CDKAL1: variants seen among roughly 807,000 people sequenced by gnomAD.
The protein encoded by CDKAL1 is CDKAL1 threonylcarbamoyladenosine tRNA methylthiotransferase.
CDKAL1 carries 32 observed loss-of-function variants against 68.2 expected under a neutral mutation model. The ratio of observed to expected loss-of-function variants is 0.47; its 90% CI spans 0.35 to 0.63. The LOEUF is 0.63. Ranked by LOEUF, CDKAL1 falls within the 30% of genes least tolerant of loss-of-function variation. CDKAL1 has a pLI of 0.00. For missense variants in CDKAL1, 606 were observed against 696.7 expected (o/e 0.87, Z 1.47); for synonymous variants, 234 against 244.3 (o/e 0.96, Z 0.39).
intron 4 of CDKAL1, among the ~76,000 whole-genome samples, chr6:20,609,241 T>TTCC (rs1766470218): frequency 7.4e-6 from 1 of 134,402 alleles, no homozygotes; most frequent in Middle Eastern, 3.4e-3. Context: ...TCCTTCTTCC[T>TTCC]TCCTTCTTCT....
chr6:20,656,832 C>A (rs564752791), intron 5 of CDKAL1, among the ~76,000 whole-genome samples: 1 of 152,176 alleles, frequency 6.6e-6, no homozygotes, highest in African/African-American at 2.4e-5. Context: ...GCACAGGTTC[C>A]TTTAATGTAC....
At chr6:21,144,460 C>T (rs894126214) in intron 13 of CDKAL1, among the ~76,000 whole-genome samples, 2 of 152,186 alleles carry the variant, frequency 1.3e-5, no homozygotes, top group Non-Finnish European at 2.9e-5. Context: ...ATTCCTGTGA[C>T]ATTTTATACT....
intron 7 of CDKAL1, among the ~76,000 whole-genome samples, chr6:20,763,496 T>C (rs1168832767): frequency 6.6e-6 from 1 of 152,188 alleles, no homozygotes; most frequent in Admixed American, 6.5e-5. Flanking sequence ...AGAAGTTAGC[T>C]GTGGAGAAGC....
chr6:21,013,874 A>G (rs1217963501), intron 11 of CDKAL1, among the ~76,000 whole-genome samples: 2 of 152,184 alleles, frequency 1.3e-5, no homozygotes, highest in Admixed American at 1.3e-4. Flanking sequence ...AGATAGATAG[A>G]TATCACTTTC....
intron 7 of CDKAL1, among the ~76,000 whole-genome samples, chr6:20,778,542 A>G (rs1317055239): frequency 6.6e-6 from 1 of 152,200 alleles, no homozygotes; most frequent in African/African-American, 2.4e-5. Context: ...AGGAATTGGC[A>G]CATGCAACCA....
At chr6:21,004,870 G>A (rs1283932166) in intron 11 of CDKAL1, among the ~76,000 whole-genome samples, 4 of 152,330 alleles carry the variant, frequency 2.6e-5, no homozygotes, top group African/African-American at 7.2e-5. Context: ...GCTGAGGCAG[G>A]AGGATCACTG....
At chr6:20,752,146 C>T (rs1773950979) in intron 6 of CDKAL1, among the ~76,000 whole-genome samples, 1 of 151,764 alleles carries the variant, frequency 6.6e-6, no homozygotes, top group African/African-American at 2.4e-5. Context: ...ATTGCTTCCT[C>T]CGTTGTCTTC....
intron 5 of CDKAL1, among the ~76,000 whole-genome samples, chr6:20,688,426 GTT>G (rs770282412): frequency 2.1e-5 from 3 of 145,432 alleles, no homozygotes; most frequent in African/African-American, 7.5e-5. Context: ...GGTTTCTTTC[GTT>G]TTTTTTTTGT....
At chr6:20,583,621 AT>A (rs879765350) in intron 4 of CDKAL1, among the ~76,000 whole-genome samples, 117 of 147,150 alleles carry the variant, frequency 8.0e-4, no homozygotes, top group African/African-American at 1.4e-3. Context: ...TGAGAGAACT[AT>A]TTTTTTTTTT....
chr6:20,810,392 TCACACACACACACACACACACACA>T lies in CDKAL1; in HGVS notation c.638+29157_638+29180del, dbSNP rs59104508. Among the ~76,000 whole-genome samples the T allele has an allele frequency of 5.5e-3, 636 of 115,646 alleles. 6 individuals carry two copies. The highest frequency in any genetic ancestry group is 6.2e-3 in the Non-Finnish European group (352 of 56,818). The allele number at this position is 115,646 out of a possible 152,430, so 75.9% of individuals were successfully genotyped here. A position where few individuals can be genotyped will look rare whatever the true frequency, so the allele number is the denominator to read the frequency against. On this transcript the variant is annotated intron_variant, in intron 8 of 15. Transcript: ENST00000274695. ...GTCTCTCTCTCTCTCTCTCTCTCTGTCACACACACACACACACACACACACACACACACACACACACACACACAC... is the reference window on the plus strand; with the variant it reads ...GTCTCTCTCTCTCTCTCTCTCTCTGTCACACACACACACACACACACACAC...
chr6:20,687,072 A>G (rs1248919441), intron 5 of CDKAL1, among the ~76,000 whole-genome samples: 1 of 152,150 alleles, frequency 6.6e-6, no homozygotes, highest in African/African-American at 2.4e-5. Context: ...AATTCTTTTT[A>G]TACATTGTTA....
intron 8 of CDKAL1, among the ~76,000 whole-genome samples, chr6:20,802,093 A>T (rs766146867): frequency 6.6e-6 from 1 of 151,998 alleles, no homozygotes; most frequent in African/African-American, 2.4e-5. Flanking sequence ...AGGTTAAGAG[A>T]TTGAGACCAT....
chr6:20,821,137 G>C (rs1317656872), intron 8 of CDKAL1, among the ~76,000 whole-genome samples: 1 of 152,054 alleles, frequency 6.6e-6, no homozygotes, highest in Non-Finnish European at 1.5e-5. Context: ...AATGAGACTG[G>C]GAGGCAATCA....
intron 14 of CDKAL1, 115 bp downstream of exon 14, chr6:21,198,219 T>G (rs1582401436): frequency 1.5e-6 from 1 of 660,722 alleles, no homozygotes; most frequent in African/African-American, 1.8e-5. Context: ...CAAGGCTGTT[T>G]TATCGCTTCA....
intron 7 of CDKAL1, among the ~76,000 whole-genome samples, chr6:20,771,798 G>T (rs776290073): frequency 6.6e-6 from 1 of 152,006 alleles, no homozygotes; most frequent in African/African-American, 2.4e-5. Flanking sequence ...TACTCTCCCC[G>T]TGTGACAGGT....
At chr6:20,603,384 GAGACCAAGGTT>G (rs1766189895) in intron 4 of CDKAL1, among the ~76,000 whole-genome samples, 1 of 152,172 alleles carries the variant, frequency 6.6e-6, no homozygotes, top group Admixed American at 6.5e-5. Flanking sequence ...TGGTATATAA[GAGACCAAGGTT>G]GGGCAGGTCC....
chr6:21,116,206 A>G (rs927815513), intron 13 of CDKAL1, among the ~76,000 whole-genome samples: 4 of 152,186 alleles, frequency 2.6e-5, no homozygotes, highest in African/African-American at 4.8e-5. Flanking sequence ...CTGTAACTGC[A>G]GAGATGGGTA....
At chr6:20,923,160 A>G (rs1293492308) in intron 9 of CDKAL1, among the ~76,000 whole-genome samples, 3 of 152,004 alleles carry the variant, frequency 2.0e-5, no homozygotes, top group South Asian at 2.1e-4. Flanking sequence ...GGCTCAAGCA[A>G]TCCTCCAGCC....
chr6:21,039,098 C>T (rs746890845), intron 11 of CDKAL1, among the ~76,000 whole-genome samples: 11 of 152,152 alleles, frequency 7.2e-5, no homozygotes, highest in African/African-American at 1.2e-4. Context: ...TGTTAGGATC[C>T]GGGCCACTCA....
Sources: allele counts gnomAD v4.1 joint callset (sites outside exome capture counted in the v4.1 genomes callset), GRCh38; gene constraint gnomAD v4.1.1; transcripts MANE v1.5; gene names NCBI Gene and HGNC (gene_info 2026-07-23, HGNC 2026-07-21).